The following FBN1 variants were observed in gnomAD, a reference collection of about 807,000 sequenced individuals.
FBN1 encodes the protein fibrillin 1, also known as fibrillin-1.
FBN1 carries 29 observed loss-of-function variants against 365.1 expected under a neutral mutation model. That is an observed-to-expected ratio of 0.08 (90% CI 0.06 to 0.11). The LOEUF is 0.11. Among genes scored for constraint, FBN1 ranks in the 10% least tolerant of loss-of-function variants. The pLI, the probability that FBN1 is intolerant of heterozygous loss-of-function variation, is 1.00. For synonymous variants in FBN1, 1,210 were observed against 1,270.5 expected (o/e 0.95, Z 1.01); for missense variants, 2,476 against 3,703.2 (o/e 0.67, Z 8.60).
At chr15:48,633,036 T>G (rs1890016716) in intron 2 of FBN1, among the ~76,000 whole-genome samples, 1 of 152,114 alleles carries the variant, frequency 6.6e-6, no homozygotes. Context: ...TTTGCCTACA[T>G]CTCCTCAGAC....
In FBN1 at chr15:48,460,355, G is replaced by A. The variant is rs778994923; in HGVS notation, c.5225-38C>T. 4 of 1,300,656 alleles carry A rather than the reference G, an allele frequency of 3.1e-6. No individual in the cohort carries two copies. The Admixed American group carries it at 5.0e-5, about 16-fold the overall frequency. The allele number at this position is 1,300,656 out of a possible 1,614,324, so 80.6% of individuals were successfully genotyped here. ...AACAAAGGTGGGATGGGAGGATAGG[G>A]GTCAGCAAAGAACAATAATTGGACT... On this transcript the variant is annotated intron_variant, in intron 42 of 65. Coordinates refer to ENST00000316623, the MANE Select transcript of FBN1 (RefSeq NM_000138.5).
chr15:48,526,322 G>A, intron 8 of FBN1, 67 bp from the exon 9 acceptor site: 1 of 1,558,398 alleles, frequency 6.4e-7, no homozygotes, highest in South Asian at 1.1e-5. Flanking sequence ...TCAGTAGAAG[G>A]ACTCAGATGT....
chr15:48,498,732 T>C (rs2043629805), intron 18 of FBN1, among the ~76,000 whole-genome samples: 1 of 151,984 alleles, frequency 6.6e-6, no homozygotes, highest in South Asian at 2.1e-4. Context: ...CGAGCACCCA[T>C]CAACCACACT....
intron 6 of FBN1, among the ~76,000 whole-genome samples, chr15:48,561,638 TCAA>T (rs1033255513): frequency 6.6e-6 from 1 of 152,190 alleles, no homozygotes; most frequent in African/African-American, 2.4e-5. Context: ...TTAGACTTTA[TCAA>T]CAATTTTTGA....
intron 56 of FBN1, 123 bp downstream of exon 56, chr15:48,430,548 T>G: frequency 9.4e-7 from 1 of 1,060,722 alleles, no homozygotes; most frequent in Non-Finnish European, 1.4e-6. Context: ...AGTCCTGACA[T>G]GCGGTTAAGA....
rs767567399 is a variant in FBN1, at chr15:48,441,864, G to A, written c.6038-18C>T. On this transcript the variant is annotated intron_variant, in intron 49 of 65. Transcript: ENST00000316623. ...ATCAATATCTAAAAGAATCACATGA[G>A]TCAAACAAAGTCAAAACACGATGGA... 1.9e-6 allele frequency: 3 copies of A among 1,611,830 alleles called. No homozygotes were observed. The highest frequency in any genetic ancestry group is 1.7e-5 in the Admixed American group (1 of 59,902).
At chr15:48,615,210 C>A (rs1889628595) in intron 2 of FBN1, among the ~76,000 whole-genome samples, 1 of 152,170 alleles carries the variant, frequency 6.6e-6, no homozygotes, top group Non-Finnish European at 1.5e-5. Context: ...CAATCCCTAC[C>A]AAATCCTGGA....
intron 2 of FBN1, chr15:48,641,941 G>A (rs533232676): frequency 4.6e-5 from 7 of 152,248 alleles, no homozygotes; most frequent in Admixed American, 6.5e-5. Context: ...CTTTGATCCA[G>A]CAATTCTATT....
At chr15:48,436,181 T>C (rs1035116480) in intron 53 of FBN1, among the ~76,000 whole-genome samples, 2 of 152,346 alleles carry the variant, frequency 1.3e-5, no homozygotes, top group South Asian at 2.1e-4. Context: ...AAAATCCCGA[T>C]ACCATTGATC....
rs1188743312 is a variant in FBN1 at position 48,488,250 on chromosome 15, A to G, written c.3209-9T>C. On this transcript the variant is annotated splice_polypyrimidine_tract_variant and intron_variant, in intron 26 of 65. Coordinates refer to ENST00000316623, the MANE Select transcript of FBN1 (RefSeq NM_000138.5). ...GCGGCATTCGTCAATGTCTGCACAA[A>G]AACAGCAAGTGGCAGCAAATGAGTC... 3.1e-6 allele frequency: 5 copies of G among 1,614,098 alleles called. No individual in the cohort carries two copies. Among genetic ancestry groups the G allele is most frequent in the Non-Finnish European group, 4.2e-6 (5 of 1,180,042 alleles).
At chr15:48,529,185 G>A (rs1424025493) in intron 8 of FBN1, 1 of 152,320 alleles carries the variant, frequency 6.6e-6, no homozygotes. Flanking sequence ...GCTGGGAAGA[G>A]CTATTTCCGT....
intron 24 of FBN1, 106 bp from the exon 25 acceptor site, chr15:48,490,184 T>C (rs1457399677): frequency 2.0e-6 from 2 of 989,106 alleles, no homozygotes; most frequent in Non-Finnish European, 1.6e-6. Context: ...TAATTTGCTG[T>C]ATACTTATTG....
intron 56 of FBN1, among the ~76,000 whole-genome samples, chr15:48,429,314 C>T (rs1430826008): frequency 6.6e-6 from 1 of 151,962 alleles, no homozygotes; most frequent in African/African-American, 2.4e-5. Flanking sequence ...TAGATTATAT[C>T]TCCAATATAG....
At chr15:48,568,928 G>A (rs1285770003) in intron 6 of FBN1, among the ~76,000 whole-genome samples, 42 of 151,896 alleles carry the variant, frequency 2.8e-4, no homozygotes, top group Non-Finnish European at 5.9e-5. Flanking sequence ...ATCTTGGGTA[G>A]GCAAAGAGTT....
intron 53 of FBN1, among the ~76,000 whole-genome samples, chr15:48,435,408 A>G (rs2043057897): frequency 6.6e-6 from 1 of 152,018 alleles, no homozygotes; most frequent in African/African-American, 2.4e-5. Context: ...CTTACATTAC[A>G]TCACTCCCCA....
chr15:48,415,390 AC>A, intron 64 of FBN1, 145 bp downstream of exon 64: 1 of 699,838 alleles, frequency 1.4e-6, no homozygotes, highest in Non-Finnish European at 2.5e-6. Context: ...ATAACCTAAA[AC>A]TTTTGCCAAG....
chr15:48,621,784 C>T (rs1213890516), intron 2 of FBN1, among the ~76,000 whole-genome samples: 1 of 150,906 alleles, frequency 6.6e-6, no homozygotes, highest in Non-Finnish European at 1.5e-5. Context: ...GTCAGGAGAT[C>T]GAGACCATCC....
In FBN1 at chr15:48,644,679, C is replaced by T. The variant is rs371130701; in HGVS notation, c.91G>A (p.Ala31Thr). ...TSHGADANLE[A>T]GNVKETRASR... ...GCTCTGGTTTCCTTCACGTTCCCAG[C>T]CTCCAAATTGGCGTCCGCCCCATGG... Residue 31 changes from alanine (A) to threonine (T), a missense_variant, in exon 2 of 66, where the codon GCT becomes ACT. Transcript: ENST00000316623. The T allele has an allele frequency of 3.1e-6, 5 of 1,613,938 alleles. No homozygotes were observed. The highest frequency in any genetic ancestry group is 4.2e-6 in the Non-Finnish European group (5 of 1,180,040).
intron 49 of FBN1, 128 bp from the exon 50 acceptor site, chr15:48,441,974 C>A: frequency 1.2e-5 from 12 of 983,992 alleles, no homozygotes; most frequent in Non-Finnish European, 1.6e-5. Context: ...AGGTATTTTT[C>A]TGTACCATAA....
Sources: gnomAD v4.1 joint callset for allele counts (sites outside exome capture counted in the v4.1 genomes callset) on GRCh38, gnomAD v4.1.1 for gene constraint, MANE v1.5 for transcripts, NCBI Gene and HGNC (gene_info 2026-07-23, HGNC 2026-07-21) for gene names.